POLR1B: variants seen among roughly 807,000 people sequenced by gnomAD.
POLR1B encodes RNA polymerase I subunit B, also known as DNA-directed RNA polymerase I subunit RPA2.
Under a neutral mutation model 105.8 loss-of-function variants are expected in POLR1B, and 30 were observed. The observed-to-expected ratio is 0.28, with a 90% CI of 0.21 to 0.38. The LOEUF (loss-of-function observed/expected upper bound fraction) is 0.38. POLR1B is among the 10% of genes least tolerant of loss of function. The pLI is 1.00. For synonymous variants in POLR1B, 485 were observed against 505.1 expected (o/e 0.96, Z 0.53); for missense variants, 976 against 1,435.8 (o/e 0.68, Z 5.17).
At chr2:112,560,493 C>G (rs780194922) in intron 9 of POLR1B, among the ~76,000 whole-genome samples, 2 of 152,008 alleles carry the variant, frequency 1.3e-5, no homozygotes, top group Non-Finnish European at 2.9e-5. Context: ...AAGCTGCTGT[C>G]TCTGTCTCTG....
intron 8 of POLR1B, among the ~76,000 whole-genome samples, 194 bp downstream of exon 8, chr2:112,558,275 C>G (rs545334202): frequency 6.6e-6 from 1 of 152,294 alleles, no homozygotes; most frequent in East Asian, 1.9e-4. Flanking sequence ...ATTCAGATAA[C>G]TGAATACATT....
chr2:112,554,066 G>C (rs1321331437), intron 7 of POLR1B, among the ~76,000 whole-genome samples: 5 of 152,090 alleles, frequency 3.3e-5, no homozygotes, highest in Admixed American at 3.3e-4. Flanking sequence ...GACCTCAGGT[G>C]ATCCACCTGC....
chr2:112,544,911 C>G (rs1303281755), intron 1 of POLR1B, among the ~76,000 whole-genome samples: 1 of 152,146 alleles, frequency 6.6e-6, no homozygotes, highest in African/African-American at 2.4e-5. Flanking sequence ...AATTCACCTA[C>G]TCACTAAAAT....
intron 9 of POLR1B, among the ~76,000 whole-genome samples, chr2:112,563,321 C>T (rs1003891841): frequency 2.6e-5 from 4 of 152,254 alleles, no homozygotes; most frequent in South Asian, 2.1e-4. Flanking sequence ...TCCCAAAGTG[C>T]TGGGATTACA....
rs745389608 is a variant in POLR1B at position 112,575,036 on chromosome 2, T to C, written c.2715T>C (p.Thr905=). The C allele has an allele frequency of 1.2e-6, 2 of 1,614,214 alleles. No individual in the cohort carries two copies. The highest frequency in any genetic ancestry group is 1.7e-6 in the Non-Finnish European group (2 of 1,180,046). Residue 905 remains threonine (T), a synonymous_variant, in exon 15 of 15, where the codon ACT becomes ACC. Transcript: ENST00000263331. The surrounding 1 kb of genome is among the most constrained non-coding windows in gnomAD (Gnocchi z 5.3). ...RLWPAEDMPF[T]ESGMVPDILF... ...GGCCGGCTGAGGACATGCCTTTTACTGAGAGTGGGATGGTCCCAGACATTC... is the reference window on the plus strand; with the variant it reads ...GGCCGGCTGAGGACATGCCTTTTACCGAGAGTGGGATGGTCCCAGACATTC...
At chr2:112,555,759 C>T (rs1283212616) in intron 7 of POLR1B, among the ~76,000 whole-genome samples, 1 of 152,166 alleles carries the variant, frequency 6.6e-6, no homozygotes, top group Non-Finnish European at 1.5e-5. Flanking sequence ...GAATTCATTG[C>T]CGAGTATCTG....
chr2:112,549,482 CTT>C (rs1683247259), intron 4 of POLR1B, 83 bp downstream of exon 4: 2 of 869,260 alleles, frequency 2.3e-6, no homozygotes, highest in Non-Finnish European at 3.2e-6. Flanking sequence ...TCCAAATGGT[CTT>C]TGATATTTTT....
intron 12 of POLR1B, among the ~76,000 whole-genome samples, chr2:112,569,617 T>C (rs908121380): frequency 6.6e-6 from 1 of 151,180 alleles, no homozygotes; most frequent in South Asian, 2.1e-4. Context: ...TGGAGTGCAG[T>C]GGTGTGATCT....
chr2:112,567,719 T>G (rs1558663679), intron 10 of POLR1B, among the ~76,000 whole-genome samples: 1 of 152,170 alleles, frequency 6.6e-6, no homozygotes, highest in Non-Finnish European at 1.5e-5. Flanking sequence ...ATAAAACCAG[T>G]AATCTACTGT....
chr2:112,573,573 G>C lies in POLR1B; in HGVS notation c.2283G>C (p.Lys761Asn). 1 of 1,613,282 alleles carries C rather than the reference G, an allele frequency of 6.2e-7. No homozygotes were observed. Among genetic ancestry groups the C allele is most frequent in the South Asian group, 1.1e-5 (1 of 90,938 alleles). ...CTTTTACTTCACAGATTGTGAATAA[G>C]GCCTCTTGGGAACGAGGCTTTGCCC... The part of the protein sequence containing the change: ...YDMEDAMIVN[K>N]ASWERGFAHG... Residue 761 changes from lysine (K) to asparagine (N), a missense_variant, in exon 14 of 15, where the codon AAG becomes AAC. Transcript: ENST00000263331.
chr2:112,552,743 T>C lies in POLR1B; in HGVS notation c.1085T>C (p.Met362Thr). The C allele has an allele frequency of 6.2e-7, 1 of 1,612,520 alleles. No homozygotes were observed. The highest frequency in any genetic ancestry group is 1.1e-5 in the South Asian group (1 of 90,640). ...TTTGCTTTAGCCAAAGGAGAGTGCA[T>C]GGAGGACAATCCTGATAGTTTGGTG... ...KLFALAKGEC[M>T]EDNPDSLVNQ... is the part of the protein sequence containing the mutation. The change falls in exon 7 of 15, where the codon ATG becomes ACG. Residue 362 changes from methionine (M) to threonine (T), a missense_variant. Physicochemically the swap from Met to Thr is moderately conservative, Grantham distance 81. This residue lies in a region of POLR1B where 452 missense variants were observed against 616.5 expected (regional missense o/e 0.73). Transcript: ENST00000263331.
At chr2:112,560,993 A>G (rs1192662809) in intron 9 of POLR1B, among the ~76,000 whole-genome samples, 1 of 151,854 alleles carries the variant, frequency 6.6e-6, no homozygotes, top group African/African-American at 2.4e-5. Flanking sequence ...TGAATCCAGG[A>G]GGTGGAGGTT....
chr2:112,564,259 A>T, intron 9 of POLR1B, 107 bp from the exon 10 acceptor site: 2 of 1,313,652 alleles, frequency 1.5e-6, no homozygotes, highest in Non-Finnish European at 2.1e-6. Flanking sequence ...AGACAAGGAT[A>T]ATTTGATATC....
chr2:112,553,950 A>C (rs1683510099), intron 7 of POLR1B, among the ~76,000 whole-genome samples: 1 of 152,134 alleles, frequency 6.6e-6, no homozygotes, highest in Non-Finnish European at 1.5e-5. Context: ...ATTCAGTGGC[A>C]TTTTATATTT....
At chr2:112,553,555 C>T (rs141371874) in intron 7 of POLR1B, 15 of 152,182 alleles carry the variant, frequency 9.9e-5, no homozygotes, top group African/African-American at 3.4e-4. Context: ...CTCATGTGAT[C>T]CTCCTGTTTC....
intron 4 of POLR1B, 138 bp downstream of exon 4, chr2:112,549,537 A>G (rs570565160): frequency 1.4e-6 from 1 of 691,366 alleles, no homozygotes; most frequent in East Asian, 3.3e-5. Flanking sequence ...GGGTTTCACC[A>G]CGTTGCCCAG....
intron 9 of POLR1B, among the ~76,000 whole-genome samples, chr2:112,560,662 G>T (rs6760906): frequency 1.3e-5 from 2 of 151,864 alleles, no homozygotes; most frequent in African/African-American, 4.8e-5. Flanking sequence ...TAATATGTGT[G>T]CAGTAAAACT....
chr2:112,575,720 T>A lies in POLR1B; in HGVS notation c.3399T>A (p.Asp1133Glu). 6.2e-7 allele frequency: 1 copy of A among 1,609,072 alleles called. No homozygotes were observed. The highest frequency in any genetic ancestry group is 8.5e-7 in the Non-Finnish European group (1 of 1,177,208). Residue 1133 changes from aspartate (D) to glutamate (E), a missense_variant, in exon 15 of 15, where the codon GAT (aspartate) becomes GAA (glutamate). This residue lies in a region of POLR1B where 77 missense variants were observed against 104.5 expected (regional missense o/e 0.74). Coordinates refer to ENST00000263331, the MANE Select transcript of POLR1B (RefSeq NM_019014.6). This position sits in a 1 kb window ranked among gnomAD's most constrained non-coding sequence, Gnocchi z 5.3. ...CTATGAACATCAAAGTGAAACTGGA[T>A]GTTGTTTAACTTGATGTTGACCTTT... ...LAAMNIKVKLDVV is the reference protein window; with the variant it reads ...LAAMNIKVKLEVV
intron 3 of POLR1B, 30 bp downstream of exon 3, chr2:112,547,597 T>C: frequency 1.2e-6 from 2 of 1,604,002 alleles, no homozygotes; most frequent in Non-Finnish European, 1.7e-6. Context: ...CATGAGACAG[T>C]AGAGAAGGCC....
Sources: allele counts gnomAD v4.1 joint callset (sites outside exome capture counted in the v4.1 genomes callset), GRCh38; gene constraint gnomAD v4.1.1; regional missense constraint gnomAD v4.1.1; non-coding constraint Gnocchi (gnomAD v3.1); transcripts MANE v1.5; gene names NCBI Gene and HGNC (gene_info 2026-07-23, HGNC 2026-07-21).